The following WDR64 variants were observed in gnomAD, a reference collection of about 807,000 sequenced individuals.
The protein encoded by WDR64 is WD repeat domain 64, also known as WD repeat-containing protein 64.
A neutral mutation model predicts 139.3 loss-of-function variants in WDR64; 112 were observed. The ratio of observed to expected loss-of-function variants is 0.80; its 90% CI spans 0.69 to 0.94. WDR64 has a LOEUF of 0.94. WDR64 is among the 40% of genes least tolerant of loss of function. The pLI is 0.00. For synonymous variants in WDR64, 444 were observed against 437.7 expected (o/e 1.01, Z -0.18); for missense variants, 1,206 against 1,293.1 (o/e 0.93, Z 1.03).
chr1:241,725,938 C>T (rs1275998572), intron 10 of WDR64, among the ~76,000 whole-genome samples: 1 of 152,162 alleles, frequency 6.6e-6, no homozygotes, highest in Non-Finnish European at 1.5e-5. Flanking sequence ...CTGTCTTGAC[C>T]TACTGGGCTC....
intron 21 of WDR64, among the ~76,000 whole-genome samples, chr1:241,778,826 T>C (rs1211173971): frequency 6.6e-6 from 1 of 152,188 alleles, no homozygotes; most frequent in African/African-American, 2.4e-5. Context: ...GTATAATTAC[T>C]ATCATTCATT....
At chr1:241,654,999 G>A (rs1315221584) in intron 1 of WDR64, among the ~76,000 whole-genome samples, 1 of 152,100 alleles carries the variant, frequency 6.6e-6, no homozygotes, top group Non-Finnish European at 1.5e-5. Flanking sequence ...CTTCTAGTTC[G>A]AAGTATTTTG....
intron 10 of WDR64, among the ~76,000 whole-genome samples, chr1:241,731,811 T>C (rs1215878354): frequency 6.6e-6 from 1 of 152,200 alleles, no homozygotes; most frequent in Non-Finnish European, 1.5e-5. Flanking sequence ...AATTAATAGG[T>C]TTAGTTCTAC....
At chr1:241,735,853 C>CTGTGTGTGTGTGTG (rs1352158069) in intron 10 of WDR64, among the ~76,000 whole-genome samples, 1 of 91,286 alleles carries the variant, frequency 1.1e-5, no homozygotes, top group Non-Finnish European at 2.2e-5. Context: ...CTCTCTCTCT[C>CTGTGTGTGTGTGTG]TCTGTGTGTG....
intron 2 of WDR64, among the ~76,000 whole-genome samples, chr1:241,662,825 A>T (rs943299013): frequency 2.0e-5 from 3 of 152,196 alleles, no homozygotes; most frequent in African/African-American, 7.2e-5. Flanking sequence ...CGAGAAAAGG[A>T]TGCCTATTCA....
chr1:241,778,798 GTCTC>G (rs1184123656), intron 21 of WDR64, among the ~76,000 whole-genome samples: 1 of 151,936 alleles, frequency 6.6e-6, no homozygotes, highest in Non-Finnish European at 1.5e-5. Flanking sequence ...TATTCCTAAT[GTCTC>G]TCTTTTATCT....
At chr1:241,757,258 T>C (rs1670228115) in intron 14 of WDR64, 25 bp from the exon 15 acceptor site, 3 of 1,599,674 alleles carry the variant, frequency 1.9e-6, no homozygotes, top group Non-Finnish European at 1.7e-6. Flanking sequence ...GAACTTTTCA[T>C]GCACTCACTG....
chr1:241,735,931 GGTTCTTCAGGTCCCA>G (rs1197451519), intron 10 of WDR64, among the ~76,000 whole-genome samples: 6 of 149,246 alleles, frequency 4.0e-5, no homozygotes, highest in Admixed American at 1.3e-4. Flanking sequence ...TCCTCTACCT[GGTTCTTCAGGTCCCA>G]GTTCAGAAAT....
At chr1:241,784,236 G>A (rs6429311) in intron 23 of WDR64, among the ~76,000 whole-genome samples, 26,973 of 152,080 alleles carry the variant, frequency 0.18, 2,818 homozygotes, top group African/African-American at 0.27. Flanking sequence ...AGAATTTTAC[G>A]TGGGGGAGTA....
chr1:241,742,970 G>C (rs1669606134), intron 12 of WDR64, among the ~76,000 whole-genome samples: 1 of 152,152 alleles, frequency 6.6e-6, no homozygotes, highest in African/African-American at 2.4e-5. Context: ...GGAGACGTGT[G>C]GACTAGCAGA....
At chr1:241,773,471 T>C (rs76176209) in intron 20 of WDR64, among the ~76,000 whole-genome samples, 6,443 of 152,182 alleles carry the variant, frequency 0.042, 344 homozygotes, top group East Asian at 0.28. Flanking sequence ...ATTAGTTGTT[T>C]GTTTGTTTGT....
At chr1:241,749,411 A>G in intron 13 of WDR64, 136 bp from the exon 14 acceptor site, 2 of 956,008 alleles carry the variant, frequency 2.1e-6, no homozygotes, top group Non-Finnish European at 3.1e-6. Context: ...GGGAAGACTC[A>G]CCCATCTGAG....
At position 241,711,899 on chromosome 1, in the gene WDR64, A is replaced by G. The variant is rs765002957; in HGVS notation, c.1054+18A>G. 5 of 1,613,148 alleles carry G rather than the reference A, an allele frequency of 3.1e-6. No homozygotes were observed. The highest frequency in any genetic ancestry group is 2.2e-5 in the South Asian group (2 of 91,008). On this transcript the variant is annotated intron_variant, in intron 9 of 27. Coordinates refer to ENST00000437684, the MANE Select transcript of WDR64 (RefSeq NM_001367482.1). Reference sequence around the variant, plus strand: ...CACTGGAGGTGAGAGGGCGGTTCACATTACATAGGGGTTTTCTACTTTGCA... The same window carrying G: ...CACTGGAGGTGAGAGGGCGGTTCACGTTACATAGGGGTTTTCTACTTTGCA...
chr1:241,702,501 G>T (rs1224810820), intron 8 of WDR64, among the ~76,000 whole-genome samples: 1 of 146,012 alleles, frequency 6.8e-6, no homozygotes, highest in Non-Finnish European at 1.5e-5. Flanking sequence ...CCCTAAGAAA[G>T]ATACTGAAAA....
At chr1:241,757,738 C>A (rs983252634) in intron 15 of WDR64, among the ~76,000 whole-genome samples, 4 of 150,816 alleles carry the variant, frequency 2.7e-5, no homozygotes, top group African/African-American at 9.8e-5. Flanking sequence ...CCTGCCTCAG[C>A]CCCCCAGAAC....
At chr1:241,767,266 C>T (rs1027063338) in intron 16 of WDR64, among the ~76,000 whole-genome samples, 8 of 152,176 alleles carry the variant, frequency 5.3e-5, no homozygotes, top group African/African-American at 1.9e-4. Flanking sequence ...TGCAATTATT[C>T]CTCTCAACCA....
chr1:241,774,424 A>C (rs1382497326), intron 20 of WDR64, among the ~76,000 whole-genome samples: 6 of 152,164 alleles, frequency 3.9e-5, no homozygotes, highest in Non-Finnish European at 7.3e-5. Context: ...ATAGGAGGAG[A>C]AGAGATTATG....
At chr1:241,738,010 A>G (rs905164333) in intron 10 of WDR64, among the ~76,000 whole-genome samples, 4 of 152,202 alleles carry the variant, frequency 2.6e-5, no homozygotes, top group African/African-American at 9.6e-5. Flanking sequence ...CATCCATAAT[A>G]CAAAGAGAAA....
At chr1:241,707,140 T>C (rs1667983756) in intron 8 of WDR64, among the ~76,000 whole-genome samples, 1 of 152,154 alleles carries the variant, frequency 6.6e-6, no homozygotes, top group Non-Finnish European at 1.5e-5. Context: ...AGACTTTGAG[T>C]TTGTGACCCT....
Sources: gnomAD v4.1 joint callset for allele counts (sites outside exome capture counted in the v4.1 genomes callset) on GRCh38, gnomAD v4.1.1 for gene constraint, MANE v1.5 for transcripts, NCBI Gene and HGNC (gene_info 2026-07-23, HGNC 2026-07-21) for gene names.